The following SATL1 variants were observed in gnomAD, a reference collection of about 807,000 sequenced individuals.
SATL1 encodes the protein spermidine/spermine N1-acetyl transferase like 1, also known as spermidine/spermine N(1)-acetyltransferase-like protein 1.
SATL1 carries 47 observed loss-of-function variants against 51.8 expected under a neutral mutation model. The observed-to-expected ratio is 0.91, with a 90% CI of 0.72 to 1.16. The LOEUF (loss-of-function observed/expected upper bound fraction) is 1.16. Ranked by LOEUF, SATL1 falls within the 50% of genes most tolerant of loss-of-function variation. SATL1 has a pLI of 0.00. For synonymous variants in SATL1, 176 were observed against 182.4 expected (o/e 0.97, Z 0.28); for missense variants, 520 against 526.4 (o/e 0.99, Z 0.12).
intron 2 of SATL1, among the ~76,000 whole-genome samples, chrX:85,166,632 G>T (rs767008250): frequency 1.8e-5 from 2 of 110,975 alleles, no homozygotes; most frequent in South Asian, 7.6e-4. Context: ...AATAATAAAT[G>T]TTGGTGTGGA....
At chrX:85,126,788 AG>A (rs1925638351) in intron 2 of SATL1, among the ~76,000 whole-genome samples, 1 of 110,346 alleles carries the variant, frequency 9.1e-6, no homozygotes, top group Non-Finnish European at 1.9e-5. Flanking sequence ...ACCAGCCTCC[AG>A]GGGTTGGAGT....
intron 2 of SATL1, among the ~76,000 whole-genome samples, chrX:85,116,493 CG>C (rs1749282104): frequency 9.0e-6 from 1 of 111,592 alleles, no homozygotes; most frequent in Non-Finnish European, 1.9e-5. Flanking sequence ...TTTTAGCACT[CG>C]GGAGGGGCTG....
intron 2 of SATL1, among the ~76,000 whole-genome samples, chrX:85,156,849 AT>A (rs1569238887): frequency 2.4e-4 from 7 of 29,512 alleles, no homozygotes; most frequent in African/African-American, 5.1e-4. Flanking sequence ...ATATATATAT[AT>A]ATATATATAT....
Position 85,156,863 on chromosome X carries a change from ATATAT to A in SATL1, c.-312-47588_-312-47584del, listed in dbSNP as rs1569238922. 9.8e-3 allele frequency among the ~76,000 whole-genome samples: 518 copies of A among 52,625 alleles called. 13 individuals are homozygous for A. The highest frequency in any genetic ancestry group is 0.034 in the African/African-American group (488 of 14,210). 45.7% of individuals were successfully genotyped at this position (52,625 alleles called of 115,157 possible). A position where few individuals can be genotyped will look rare whatever the true frequency, so the allele number is the denominator to read the frequency against. ...TATATATATATATATATATATATAT[ATATAT>A]AAAATATGTAAATCTCTTCTCATCC... On this transcript the variant is annotated intron_variant, in intron 2 of 7. Transcript: ENST00000644105.
At chrX:85,136,214 A>T (rs943066366) in intron 2 of SATL1, among the ~76,000 whole-genome samples, 1 of 110,589 alleles carries the variant, frequency 9.0e-6, no homozygotes, top group Non-Finnish European at 1.9e-5. Flanking sequence ...GTTCAGCTTC[A>T]GTCATATAAA....
chrX:85,133,724 C>T (rs1218818925), intron 2 of SATL1, among the ~76,000 whole-genome samples: 1 of 111,944 alleles, frequency 8.9e-6, no homozygotes, highest in African/African-American at 3.2e-5. Flanking sequence ...AATCACCCGT[C>T]TTCTGTGTCA....
intron 2 of SATL1, among the ~76,000 whole-genome samples, chrX:85,162,033 T>C (rs1218627572): frequency 9.0e-6 from 1 of 111,614 alleles, no homozygotes; most frequent in African/African-American, 3.3e-5. Flanking sequence ...TATAGTTATG[T>C]GGAAATTAAA....
At chrX:85,103,159 C>G (rs1193335321) in intron 4 of SATL1, among the ~76,000 whole-genome samples, 2 of 111,618 alleles carry the variant, frequency 1.8e-5, no homozygotes, top group African/African-American at 6.5e-5. Context: ...GTTCAGAATT[C>G]TATTTCTGAC....
At chrX:85,132,988 C>A (rs1925852174) in intron 2 of SATL1, among the ~76,000 whole-genome samples, 1 of 111,826 alleles carries the variant, frequency 8.9e-6, no homozygotes, top group Admixed American at 9.5e-5. Context: ...GCAGAGGCTG[C>A]AGAACAGCAA....
chrX:85,166,935 ATGTGTATGTGTG>A (rs1465562732), intron 2 of SATL1, among the ~76,000 whole-genome samples: 7 of 84,734 alleles, frequency 8.3e-5, no homozygotes, highest in Admixed American at 4.8e-4. Flanking sequence ...ATATATATAT[ATGTGTATGTGTG>A]TGTGTGTGTG....
intron 2 of SATL1, among the ~76,000 whole-genome samples, chrX:85,217,510 T>C (rs191525758): frequency 9.9e-5 from 11 of 111,587 alleles, no homozygotes; most frequent in African/African-American, 2.9e-4. Flanking sequence ...AGAATGTGCC[T>C]AAAGTTCCTT....
chrX:85,121,491 T>A (rs1925508023), intron 2 of SATL1, among the ~76,000 whole-genome samples: 1 of 104,419 alleles, frequency 9.6e-6, no homozygotes, highest in Non-Finnish European at 1.9e-5. Context: ...CTATTTCTTG[T>A]TAGTATATAG....
chrX:85,138,177 C>G (rs1926010380), intron 2 of SATL1, among the ~76,000 whole-genome samples: 1 of 112,560 alleles, frequency 8.9e-6, no homozygotes, highest in Non-Finnish European at 1.9e-5. Context: ...TCTCTTCAGA[C>G]TATTTTCCCT....
At chrX:85,195,061 C>G (rs1222674993) in intron 2 of SATL1, among the ~76,000 whole-genome samples, 1 of 110,224 alleles carries the variant, frequency 9.1e-6, no homozygotes, top group African/African-American at 3.3e-5. Context: ...AGTTTTGACC[C>G]TGTTTGGAGA....
At chrX:85,174,367 G>A (rs1287438316) in intron 2 of SATL1, among the ~76,000 whole-genome samples, 1 of 107,528 alleles carries the variant, frequency 9.3e-6, no homozygotes, top group Non-Finnish European at 1.9e-5. Flanking sequence ...TTGTTGCCCA[G>A]GCTGGAGTGC....
At chrX:85,113,392 G>A (rs1002211631) in intron 2 of SATL1, among the ~76,000 whole-genome samples, 1 of 111,542 alleles carries the variant, frequency 9.0e-6, no homozygotes, top group East Asian at 2.8e-4. Flanking sequence ...GCATGGGGTT[G>A]CTAGCTGATT....
At position 85,213,936 on chromosome X, in the gene SATL1, A is replaced by C. The variant is rs545070902; in HGVS notation, c.-313+10269T>G. Among the ~76,000 whole-genome samples, 5 of 111,558 alleles carry C rather than the reference A, an allele frequency of 4.5e-5. No individual in the cohort carries two copies. The Middle Eastern group carries it at 0.014, about 313-fold the overall frequency. ...AGAAAACCTCAGTAAGAAAAGAGGA[A>C]AGGGTAATATTGAGAATATAGAGGG... On this transcript the variant is annotated intron_variant, in intron 2 of 7. Transcript: ENST00000644105.
chrX:85,160,953 A>G (rs1272392223), intron 2 of SATL1, among the ~76,000 whole-genome samples: 1 of 111,932 alleles, frequency 8.9e-6, no homozygotes, highest in Non-Finnish European at 1.9e-5. Context: ...ACATCAGACT[A>G]ACAGTGGAAC....
intron 3 of SATL1, 32 bp downstream of exon 3, chrX:85,107,296 C>G: frequency 1.7e-6 from 2 of 1,145,505 alleles, no homozygotes. Context: ...ACACCAATGC[C>G]ATGAGGCTCC....
Sources: gnomAD v4.1 joint callset for allele counts (sites outside exome capture counted in the v4.1 genomes callset) on GRCh38, gnomAD v4.1.1 for gene constraint, MANE v1.5 for transcripts, NCBI Gene and HGNC (gene_info 2026-07-23, HGNC 2026-07-21) for gene names.